FGF13: variants seen among roughly 807,000 people sequenced by gnomAD.
FGF13 encodes the protein fibroblast growth factor 13, also known as fibroblast growth factor homologous factor 2.
FGF13 carries 2 observed loss-of-function variants against 19.5 expected under a neutral mutation model. The ratio of observed to expected loss-of-function variants is 0.10; its 90% CI spans 0.04 to 0.32. FGF13 has a LOEUF of 0.32. Ranked by LOEUF, FGF13 falls within the 10% of genes least tolerant of loss-of-function variation. FGF13 has a pLI of 1.00. For synonymous variants in FGF13, 72 were observed against 76.9 expected, an observed-to-expected ratio of 0.94 and a Z score of 0.33; for missense variants, 113 against 192.7, an observed-to-expected ratio of 0.59 and a Z score of 2.45.
At chrX:138,883,182 A>G (rs1323219312) in intron 1 of FGF13, among the ~76,000 whole-genome samples, 5 of 112,088 alleles carry the variant, frequency 4.5e-5, no homozygotes, top group Non-Finnish European at 9.4e-5. Context: ...CCATGCACCA[A>G]ACAAATAAAT....
At chrX:138,992,405 G>A (rs2092020576) in intron 1 of FGF13, among the ~76,000 whole-genome samples, 1 of 111,224 alleles carries the variant, frequency 9.0e-6, no homozygotes, top group African/African-American at 3.3e-5. Context: ...TTGAAAAGTT[G>A]TAGTTGGAAA....
At chrX:138,859,393 T>C (rs1462647352) in intron 2 of FGF13, among the ~76,000 whole-genome samples, 3 of 112,448 alleles carry the variant, frequency 2.7e-5, no homozygotes, top group African/African-American at 9.7e-5. Context: ...AATTCCATTT[T>C]CACCCACTGC....
At chrX:138,800,049 A>C (rs1225485902) in intron 3 of FGF13, among the ~76,000 whole-genome samples, 2 of 112,016 alleles carry the variant, frequency 1.8e-5, no homozygotes, top group East Asian at 5.6e-4. Flanking sequence ...TGTGTCTGTT[A>C]ATTGGGGCAT....
chrX:138,687,772 G>A (rs904622105), intron 3 of FGF13, among the ~76,000 whole-genome samples: 4 of 111,070 alleles, frequency 3.6e-5, no homozygotes, highest in South Asian at 3.8e-4. Flanking sequence ...ACAAATGAAC[G>A]AATAAAGAAA....
chrX:138,804,461 T>A, intron 3 of FGF13, among the ~76,000 whole-genome samples: 1 of 112,210 alleles, frequency 8.9e-6, no homozygotes, highest in Non-Finnish European at 1.9e-5. Context: ...CCACAATCAT[T>A]ATTTGGAGCC....
intron 3 of FGF13, among the ~76,000 whole-genome samples, chrX:138,832,734 C>T (rs1217383296): frequency 8.9e-6 from 1 of 112,027 alleles, no homozygotes; most frequent in Non-Finnish European, 1.9e-5. Context: ...AAAATCTTTG[C>T]CCATGCCTAT....
At chrX:139,133,102 T>G (rs1323656289) in intron 1 of FGF13, among the ~76,000 whole-genome samples, 2 of 111,200 alleles carry the variant, frequency 1.8e-5, no homozygotes, top group Non-Finnish European at 3.8e-5. Flanking sequence ...CTTTATATAC[T>G]AATGTACCTT....
chrX:138,749,632 C>T (rs1244553797), intron 3 of FGF13, among the ~76,000 whole-genome samples: 1 of 111,221 alleles, frequency 9.0e-6, no homozygotes, highest in Non-Finnish European at 1.9e-5. Flanking sequence ...GACATACAGG[C>T]TTGGGACAGT....
chrX:138,924,942 T>C (rs1046763658), intron 1 of FGF13, among the ~76,000 whole-genome samples: 1 of 110,925 alleles, frequency 9.0e-6, no homozygotes, highest in African/African-American at 3.3e-5. Context: ...CAGCCATCAA[T>C]ATATCAATAT....
intron 1 of FGF13, among the ~76,000 whole-genome samples, chrX:139,025,763 C>T (rs1207409070): frequency 9.0e-6 from 1 of 111,093 alleles, no homozygotes; most frequent in African/African-American, 3.3e-5. Flanking sequence ...TAACAATCTT[C>T]TCTCTTCCTT....
At chrX:139,143,487 AATGGACATT>A (rs2083862611) in intron 1 of FGF13, among the ~76,000 whole-genome samples, 1 of 112,404 alleles carries the variant, frequency 8.9e-6, no homozygotes, top group South Asian at 3.7e-4. Context: ...GTTTTATCCG[AATGGACATT>A]ATTTGGATTA....
intron 1 of FGF13, among the ~76,000 whole-genome samples, chrX:138,735,440 G>A (rs1043152608): frequency 8.1e-5 from 9 of 111,730 alleles, no homozygotes; most frequent in South Asian, 3.7e-4. Context: ...ACATTTCAGC[G>A]GCATGTTGAA....
intron 1 of FGF13, among the ~76,000 whole-genome samples, chrX:139,054,480 G>A (rs2092314398): frequency 9.0e-6 from 1 of 111,081 alleles, no homozygotes; most frequent in South Asian, 3.8e-4. Flanking sequence ...ATGGCCTTCT[G>A]GTATAGTTTG....
chrX:138,969,988 C>G (rs2091909083), intron 1 of FGF13, among the ~76,000 whole-genome samples: 3 of 111,679 alleles, frequency 2.7e-5, no homozygotes, highest in African/African-American at 9.8e-5. Flanking sequence ...TGTGCATGTA[C>G]ACACCCCGGA....
intron 3 of FGF13, among the ~76,000 whole-genome samples, chrX:138,748,002 G>A (rs763502186): frequency 3.6e-5 from 4 of 110,648 alleles, no homozygotes; most frequent in Non-Finnish European, 7.6e-5. Context: ...TGGAATGGGA[G>A]AGAATTCAAA....
At chrX:138,648,607 TTTC>T (rs1297273784) in intron 3 of FGF13, among the ~76,000 whole-genome samples, 5 of 111,850 alleles carry the variant, frequency 4.5e-5, no homozygotes, top group Admixed American at 9.5e-5. Flanking sequence ...CCTAAATCTC[TTTC>T]TTATGTTCTG....
rs183022640 is a variant in FGF13 at position 138,922,071 on chromosome X, G to A, written c.-112-57421C>T. Among the ~76,000 whole-genome samples the A allele has an allele frequency of 1.3e-4, 14 of 108,048 alleles. No homozygotes were observed. In the East Asian group the frequency reaches 4.1e-3, roughly 32 times the overall value. 93.8% of individuals were successfully genotyped at this position (108,048 alleles called of 115,157 possible). ...TCTGTAGCTTAAGGTGTCAATAGCT[G>A]ATTTTGCTACTGGCTATGCTCCAAA... On this transcript the variant is annotated intron_variant, in intron 1 of 2. Transcript: ENST00000421460.
chrX:138,863,948 G>A (rs1479327359), intron 2 of FGF13, among the ~76,000 whole-genome samples: 1 of 111,861 alleles, frequency 8.9e-6, no homozygotes, highest in Non-Finnish European at 1.9e-5. Context: ...TTTGATATTC[G>A]AAGCCTGATA....
intron 1 of FGF13, among the ~76,000 whole-genome samples, chrX:139,124,887 C>T (rs2083703876): frequency 9.0e-6 from 1 of 111,173 alleles, no homozygotes; most frequent in African/African-American, 3.3e-5. Flanking sequence ...ATGAGTACAA[C>T]CAGCCTAGGC....
Sources: gnomAD v4.1 joint callset for allele counts (sites outside exome capture counted in the v4.1 genomes callset) on GRCh38, gnomAD v4.1.1 for gene constraint, MANE v1.5 for transcripts, NCBI Gene and HGNC (gene_info 2026-07-23, HGNC 2026-07-21) for gene names.